FBN1: variants seen among roughly 807,000 people sequenced by gnomAD.
FBN1 encodes the protein fibrillin 1, also known as fibrillin-1.
In FBN1, 29 loss-of-function variants were observed where a neutral mutation model predicts 365.1. The observed-to-expected ratio is 0.08, with a 90% confidence interval of 0.06 to 0.11. The LOEUF is 0.11. Among genes scored for constraint, FBN1 ranks in the 10% least tolerant of loss-of-function variants. The pLI is 1.00. For missense variants in FBN1, 2,476 were observed against 3,703.2 expected (o/e 0.67, Z 8.60); for synonymous variants, 1,210 against 1,270.5 (o/e 0.95, Z 1.01).
At chr15:48,528,048 T>C (rs1355281950) in intron 8 of FBN1, among the ~76,000 whole-genome samples, 1 of 152,224 alleles carries the variant, frequency 6.6e-6, no homozygotes, top group Non-Finnish European at 1.5e-5. Flanking sequence ...ATAATTGTAA[T>C]TAAGAAGAAT....
rs16961172 is a variant in FBN1 at position 48,572,280 on chromosome 15, T to C, written c.538+24003A>G. ...AACATTATAAATGAAGGATTCTCAA[T>C]GCTGAAACTACCAAGCTAATAAATA... On this transcript the variant is annotated intron_variant, in intron 6 of 65. Coordinates refer to ENST00000316623, the MANE Select transcript of FBN1 (RefSeq NM_000138.5). Among the ~76,000 whole-genome samples the C allele has an allele frequency of 0.017, 2,519 of 152,276 alleles. 205 individuals are homozygous for C. In the East Asian group the frequency reaches 0.24, roughly 14 times the overall value.
At position 48,610,971 on chromosome 15, in the gene FBN1, T is replaced by C. The variant is rs969190315; in HGVS notation, c.248-145A>G. The C allele has an allele frequency of 4.3e-6, 3 of 698,878 alleles. No homozygotes were observed. The African/African-American group carries it at 5.3e-5, about 12-fold the overall frequency. 43.3% of individuals were successfully genotyped at this position (698,878 alleles called of 1,614,324 possible). A position where few individuals can be genotyped will look rare whatever the true frequency, so the allele number is the denominator to read the frequency against. ...CTTATATGACCTTAAGCCTCAGGTGTACTCATTTTCAAAACAAGTCTATTG... is the reference window on the plus strand; with the variant it reads ...CTTATATGACCTTAAGCCTCAGGTGCACTCATTTTCAAAACAAGTCTATTG... On this transcript the variant is annotated intron_variant, in intron 3 of 65. Coordinates refer to ENST00000316623, the MANE Select transcript of FBN1 (RefSeq NM_000138.5).
chr15:48,528,081 A>G (rs1312116073), intron 8 of FBN1, among the ~76,000 whole-genome samples: 1 of 152,220 alleles, frequency 6.6e-6, no homozygotes, highest in Non-Finnish European at 1.5e-5. Flanking sequence ...AAGTGTCCCT[A>G]AAAGTTAGTA....
At chr15:48,516,530 T>C (rs2043804686) in intron 10 of FBN1, among the ~76,000 whole-genome samples, 168 bp from the exon 11 acceptor site, 1 of 152,162 alleles carries the variant, frequency 6.6e-6, no homozygotes, top group Non-Finnish European at 1.5e-5. Flanking sequence ...GGATTCCCAT[T>C]TTTAATACCT....
At chr15:48,532,657 G>A (rs1271282568) in intron 8 of FBN1, among the ~76,000 whole-genome samples, 3 of 152,042 alleles carry the variant, frequency 2.0e-5, no homozygotes, top group Admixed American at 2.0e-4. Context: ...GCCTCAGACA[G>A]GGTACTTAAT....
At position 48,452,641 on chromosome 15, in the gene FBN1, G is replaced by C; in HGVS notation, c.5466C>G (p.Ala1822=). The change falls in exon 45 of 66, where the codon GCC becomes GCG. Residue 1822 remains alanine (A), a synonymous_variant. Transcript: ENST00000316623. The part of the protein sequence containing the change: ...CQNGPVCQRN[A]ECINTAGSYR... ...AGCTGCCTGCAGTGTTGATGCATTC[G>C]GCGTTGCGCTGGCACACTGGGCCGT... 6 of 1,614,130 alleles carry C rather than the reference G, an allele frequency of 3.7e-6. No homozygotes were observed. The highest frequency in any genetic ancestry group is 5.1e-6 in the Non-Finnish European group (6 of 1,179,982).
At chr15:48,455,241 T>C (rs1483908386) in intron 44 of FBN1, among the ~76,000 whole-genome samples, 1 of 152,340 alleles carries the variant, frequency 6.6e-6, no homozygotes, top group East Asian at 1.9e-4. Flanking sequence ...ATCCACAGAA[T>C]GCTACCCTGA....
intron 6 of FBN1, among the ~76,000 whole-genome samples, chr15:48,589,438 C>A (rs2044459821): frequency 6.6e-6 from 1 of 151,908 alleles, no homozygotes; most frequent in African/African-American, 2.4e-5. Flanking sequence ...ATACAGTTAC[C>A]CAGCCACAAA....
chr15:48,424,230 C>T (rs2042962517), intron 60 of FBN1, among the ~76,000 whole-genome samples: 2 of 152,174 alleles, frequency 1.3e-5, no homozygotes, highest in Non-Finnish European at 2.9e-5. Context: ...ACTTCCTCTC[C>T]CCAAACTACA....
At chr15:48,625,014 A>G (rs569918678) in intron 2 of FBN1, among the ~76,000 whole-genome samples, 1 of 152,336 alleles carries the variant, frequency 6.6e-6, no homozygotes, top group South Asian at 2.1e-4. Context: ...AGGAAGAGAC[A>G]GGAAAATCAG....
rs186830286 is a variant in FBN1, at chr15:48,580,374, T to C, written c.538+15909A>G. ...CAAGCAATCGATCAATCAGTCTCTT[T>C]CTCCACCTCTCCTTAGAAACTCTAC... is the stretch of plus-strand genomic sequence containing the variant. On this transcript the variant is annotated intron_variant, in intron 6 of 65. Transcript: ENST00000316623. 5.3e-5 allele frequency among the ~76,000 whole-genome samples: 8 copies of C among 152,252 alleles called. No individual in the cohort carries two copies. The East Asian group carries it at 1.2e-3, about 22-fold the overall frequency.
chr15:48,576,974 C>T (rs1369210444), intron 6 of FBN1, among the ~76,000 whole-genome samples: 1 of 152,072 alleles, frequency 6.6e-6, no homozygotes, highest in Non-Finnish European at 1.5e-5. Flanking sequence ...TTTTATTGCC[C>T]TCATATAAGG....
At chr15:48,488,055 C>T (rs1566909740) in intron 27 of FBN1, 58 bp downstream of exon 27, 2 of 1,609,938 alleles carry the variant, frequency 1.2e-6, no homozygotes, top group East Asian at 4.5e-5. Context: ...GGCTATGAGC[C>T]ATCAAAGCTT....
intron 6 of FBN1, among the ~76,000 whole-genome samples, chr15:48,575,165 T>A (rs892093986): frequency 1.3e-5 from 2 of 152,138 alleles, no homozygotes; most frequent in Non-Finnish European, 2.9e-5. Flanking sequence ...CAATCACAGA[T>A]AACAAAATGA....
intron 5 of FBN1, among the ~76,000 whole-genome samples, chr15:48,598,143 G>A (rs988483273): frequency 2.0e-5 from 3 of 152,162 alleles, no homozygotes; most frequent in South Asian, 2.1e-4. Flanking sequence ...GGGTAATAAG[G>A]TTGGTATTTC....
At chr15:48,537,881 T>C in intron 6 of FBN1, 73 bp from the exon 7 acceptor site, 3 of 1,454,788 alleles carry the variant, frequency 2.1e-6, no homozygotes, top group African/African-American at 2.8e-5. Context: ...ACAGCTGTGC[T>C]CCATCTTGCT....
chr15:48,425,075 TC>T (rs2141225911), intron 60 of FBN1, among the ~76,000 whole-genome samples: 1 of 152,200 alleles, frequency 6.6e-6, no homozygotes, highest in African/African-American at 2.4e-5. Context: ...CAATTAAGAA[TC>T]TGCCCCACCA....
intron 36 of FBN1, among the ~76,000 whole-genome samples, chr15:48,468,919 T>C (rs188054870): frequency 5.9e-5 from 9 of 151,404 alleles, no homozygotes; most frequent in Admixed American, 5.9e-4. Context: ...ATACAAAAAA[T>C]TAGCCAGGCG....
intron 29 of FBN1, among the ~76,000 whole-genome samples, chr15:48,486,864 T>C (rs555076151): frequency 2.8e-4 from 43 of 152,112 alleles, no homozygotes; most frequent in African/African-American, 1.0e-3. Flanking sequence ...AAACAGATAA[T>C]GGAGATGAGA....
Sources: gnomAD v4.1 joint callset for allele counts (sites outside exome capture counted in the v4.1 genomes callset) on GRCh38, gnomAD v4.1.1 for gene constraint, MANE v1.5 for transcripts, NCBI Gene and HGNC (gene_info 2026-07-23, HGNC 2026-07-21) for gene names.